TTC5: variants seen among roughly 807,000 people sequenced by gnomAD.
TTC5 encodes tetratricopeptide repeat protein 5.
A neutral mutation model predicts 57.4 loss-of-function variants in TTC5; 46 were observed. That is an observed-to-expected ratio of 0.80 (90% CI 0.63 to 1.03). The LOEUF (loss-of-function observed/expected upper bound fraction) is 1.03, where lower values mean the gene tolerates loss of function less well. Among genes scored for constraint, TTC5 ranks in the 50% least tolerant of loss-of-function variants. The probability of loss-of-function intolerance (pLI) is 0.00; values close to 1 mark genes in which losing one functional copy is unlikely to be tolerated. For synonymous variants in TTC5, 190 were observed against 203.5 expected, an observed-to-expected ratio of 0.93 and a Z score of 0.57; for missense variants, 504 against 528.1, an observed-to-expected ratio of 0.95 and a Z score of 0.45.
chr14:20,300,856 A>T (rs1379930277), intron 2 of TTC5, 38 bp from the exon 3 acceptor site: 8 of 1,525,938 alleles, frequency 5.2e-6, no homozygotes, highest in Non-Finnish European at 6.2e-6. Context: ...GGAAAAAAAC[A>T]AGTTAAAGAC....
chr14:20,286,860 G>A lies in TTC5; in HGVS notation c.*2767C>T, dbSNP rs566608986. 22 of 151,984 alleles carry A rather than the reference G, an allele frequency of 1.4e-4. No individual in the cohort carries two copies. The highest frequency in any genetic ancestry group is 1.3e-3 in the South Asian group (6 of 4,800). The allele number at this position is 151,984 out of a possible 1,614,324, so 9.4% of individuals were successfully genotyped here. On this transcript the variant is annotated 3_prime_UTR_variant, in exon 10 of 10. Coordinates refer to ENST00000258821, the MANE Select transcript of TTC5 (RefSeq NM_138376.3). ...CAAAGACTCGAATAGGCATTTTACC[G>A]AGAGAAAATATTAGTGGCTTCTAAA... is the stretch of plus-strand genomic sequence containing the variant.
chr14:20,298,959 T>C, intron 4 of TTC5, 71 bp from the exon 5 acceptor site: 1 of 1,233,940 alleles, frequency 8.1e-7, no homozygotes, highest in South Asian at 1.3e-5. Flanking sequence ...TGATCATTCT[T>C]GAAAGTATAT....
intron 1 of TTC5, among the ~76,000 whole-genome samples, chr14:20,304,452 T>G (rs898140760): frequency 5.9e-5 from 9 of 152,214 alleles, no homozygotes; most frequent in African/African-American, 2.2e-4. Flanking sequence ...AAACACACTT[T>G]GAGAAATATC....
rs1167612494 is a variant in TTC5 at position 20,295,408 on chromosome 14, A to G, written c.962T>C (p.Leu321Pro). The G allele has an allele frequency of 6.2e-7, 1 of 1,614,116 alleles. No homozygotes were observed. The highest frequency in any genetic ancestry group is 2.2e-5 in the East Asian group (1 of 44,882). Reference sequence around the variant, plus strand: ...AGGCTGAAGCGTACTCAGTGGCTTGAGCTCCAGGGTCACTTTCTGCCCAGA... The same window carrying G: ...AGGCTGAAGCGTACTCAGTGGCTTGGGCTCCAGGGTCACTTTCTGCCCAGA... ...SASGQKVTLE[L>P]KPLSTLQPGV... Residue 321 changes from leucine to proline, a missense_variant, in exon 8 of 10, where the codon CTC becomes CCC. Leu to Pro is a moderately conservative substitution (Grantham distance 98). Coordinates refer to ENST00000258821, the MANE Select transcript of TTC5 (RefSeq NM_138376.3).
chr14:20,299,623 G>C (rs898988053), intron 3 of TTC5, among the ~76,000 whole-genome samples, 175 bp from the exon 4 acceptor site: 1 of 152,056 alleles, frequency 6.6e-6, no homozygotes, highest in Non-Finnish European at 1.5e-5. Context: ...GCGTGATCTC[G>C]GCTCACTGCA....
chr14:20,288,468 G>T lies in TTC5; in HGVS notation c.*1159C>A, dbSNP rs895947736. The T allele has an allele frequency of 5.9e-5, 9 of 152,394 alleles. No homozygotes were observed. Among genetic ancestry groups the T allele is most frequent in the Admixed American group, 5.9e-4 (9 of 15,294 alleles). 9.4% of individuals were successfully genotyped at this position (152,394 alleles called of 1,614,324 possible). On this transcript the variant is annotated 3_prime_UTR_variant, in exon 10 of 10. Coordinates refer to ENST00000258821, the MANE Select transcript of TTC5 (RefSeq NM_138376.3). ...GTCTCGCTCTGTCGCCCATGCTGGA[G>T]TGCAGTGGCATGATATCGGCTCACT...
At position 20,300,809 on chromosome 14, in the gene TTC5, T is replaced by G; in HGVS notation, c.194A>C (p.Gln65Pro). The G allele has an allele frequency of 6.2e-7, 1 of 1,609,224 alleles. No individual in the cohort carries two copies. Among genetic ancestry groups the G allele is most frequent in the East Asian group, 2.2e-5 (1 of 44,832 alleles). Residue 65 changes from glutamine to proline, a missense_variant, in exon 3 of 10, where the codon CAG becomes CCG. Transcript: ENST00000258821. Reference protein sequence around the residue: ...QQMEEVVGSVQGKAQVLMLTG... With the variant: ...QQMEEVVGSVPGKAQVLMLTG... ...TAGCATTAGAACTTGTGCCTTGCCC[T>G]GGACAGAACCTAAGAGGAAGAAAAA...
At chr14:20,296,814 A>C (rs1882074585) in intron 5 of TTC5, among the ~76,000 whole-genome samples, 1 of 152,170 alleles carries the variant, frequency 6.6e-6, no homozygotes, top group Admixed American at 6.5e-5. Context: ...GGAGCTCAAG[A>C]CCAGACTGGC....
chr14:20,289,906 G>A (rs547777814), intron 9 of TTC5, among the ~76,000 whole-genome samples, 160 bp from the exon 10 acceptor site: 2 of 152,268 alleles, frequency 1.3e-5, no homozygotes, highest in South Asian at 2.1e-4. Flanking sequence ...CACAGGGGAC[G>A]AAAATTTCCC....
intron 6 of TTC5, among the ~76,000 whole-genome samples, chr14:20,296,103 T>C (rs1882056809): frequency 6.6e-6 from 1 of 152,204 alleles, no homozygotes; most frequent in Admixed American, 6.5e-5. Context: ...AAGTTGTATA[T>C]ATTGGCTCAC....
intron 9 of TTC5, among the ~76,000 whole-genome samples, chr14:20,290,682 C>T (rs764866905): frequency 2.0e-5 from 3 of 152,130 alleles, no homozygotes; most frequent in Non-Finnish European, 4.4e-5. Context: ...ACCCAGGAGT[C>T]TACATTAGAA....
Position 20,304,182 on chromosome 14 carries a change from C to G in TTC5, c.51+1705G>C, listed in dbSNP as rs866997673. ...GCTACACCTGAGCACCAGAACGGGA[C>G]TTGGGACATGATAGGCTCTAATTCA... On this transcript the variant is annotated intron_variant, in intron 1 of 9. Coordinates refer to ENST00000258821, the MANE Select transcript of TTC5 (RefSeq NM_138376.3). 2.6e-5 allele frequency among the ~76,000 whole-genome samples: 4 copies of G among 152,142 alleles called. No individual in the cohort carries two copies. The East Asian group carries it at 7.7e-4, about 29-fold the overall frequency.
At position 20,305,921 on chromosome 14, in the gene TTC5, T is replaced by A. The variant is rs774222964; in HGVS notation, c.17A>T (p.Glu6Val). 6.2e-7 allele frequency: 1 copy of A among 1,614,156 alleles called. No individual in the cohort carries two copies. Among genetic ancestry groups the A allele is most frequent in the Non-Finnish European group, 8.5e-7 (1 of 1,180,032 alleles). The change falls in exon 1 of 10, where the codon GAG becomes GTG. Residue 6 changes from glutamate (E) to valine (V), a missense_variant. Physicochemically the swap from Glu to Val is moderately radical, Grantham distance 121. Coordinates refer to ENST00000258821, the MANE Select transcript of TTC5 (RefSeq NM_138376.3). MMADE[E>V]EEVKPILQKL... ...CTGCAAGATCGGCTTGACTTCTTCC[T>A]CTTCATCAGCCATCATCTCCCGGCC...
At chr14:20,301,732 T>C (rs1882196137) in intron 2 of TTC5, 101 bp downstream of exon 2, 1 of 1,477,048 alleles carries the variant, frequency 6.8e-7, no homozygotes. Flanking sequence ...TACTACCCTA[T>C]AGCAGTAACA....
intron 1 of TTC5, among the ~76,000 whole-genome samples, chr14:20,305,041 A>G (rs1421465919): frequency 6.6e-6 from 1 of 152,240 alleles, no homozygotes; most frequent in African/African-American, 2.4e-5. Flanking sequence ...ATAGAACCAG[A>G]ATTGAGAATC....
Position 20,300,734 on chromosome 14 carries a change from T to G in TTC5, c.269A>C (p.Glu90Ala). The G allele has an allele frequency of 6.2e-7, 1 of 1,614,114 alleles. No homozygotes were observed. ...CAGCTTCACAGCCTTTGACAGAAGC[T>G]CCTCAGCCTTAGGGCTATAGTCAGG... ...VTPDYSPKAE[E>A]LLSKAVKLEP... The change falls in exon 3 of 10, where the codon GAG becomes GCG. Residue 90 changes from glutamate to alanine, a missense_variant. Physicochemically the swap from Glu to Ala is moderately radical, Grantham distance 107. Transcript: ENST00000258821.
At chr14:20,304,833 G>A (rs1043847333) in intron 1 of TTC5, among the ~76,000 whole-genome samples, 1 of 152,028 alleles carries the variant, frequency 6.6e-6, no homozygotes, top group African/African-American at 2.4e-5. Context: ...TTTTCCTCTG[G>A]ACTGAATGTT....
In TTC5 at chr14:20,286,330, A is replaced by G. The variant is rs938121581; in HGVS notation, c.*3297T>C. The G allele has an allele frequency of 3.3e-5, 5 of 152,184 alleles. No individual in the cohort carries two copies. The highest frequency in any genetic ancestry group is 1.9e-4 in the East Asian group (1 of 5,200). The allele number at this position is 152,184 out of a possible 1,614,324, so 9.4% of individuals were successfully genotyped here. A position where few individuals can be genotyped will look rare whatever the true frequency, so the allele number is the denominator to read the frequency against. ...GACAACCCAATAAAAATTGGACAAA[A>G]GAAAACAGAGATTTCATAGAAAAAG... On this transcript the variant is annotated 3_prime_UTR_variant, in exon 10 of 10. Transcript: ENST00000258821.
At position 20,295,395 on chromosome 14, in the gene TTC5, A is replaced by G; in HGVS notation, c.975T>C (p.Ser325=). The G allele has an allele frequency of 6.2e-7, 1 of 1,614,140 alleles. No homozygotes were observed. The highest frequency in any genetic ancestry group is 8.5e-7 in the Non-Finnish European group (1 of 1,180,016). Residue 325 remains serine (S), a synonymous_variant, in exon 8 of 10, where the codon AGT becomes AGC. Transcript: ENST00000258821. ...QKVTLELKPL[S]TLQPGVNSGA... ...CGCTGTTCACCCCAGGCTGAAGCGT[A>G]CTCAGTGGCTTGAGCTCCAGGGTCA...
Sources: gnomAD v4.1 joint callset for allele counts (sites outside exome capture counted in the v4.1 genomes callset) on GRCh38, gnomAD v4.1.1 for gene constraint, MANE v1.5 for transcripts, NCBI Gene and HGNC (gene_info 2026-07-23, HGNC 2026-07-21) for gene names.